Variants in RBFOX1 observed in about 807,000 individuals in gnomAD.
RBFOX1 encodes the protein RNA binding protein fox-1 homolog 1.
RBFOX1 carries 8 observed loss-of-function variants against 57.7 expected under a neutral mutation model. The ratio of observed to expected loss-of-function variants is 0.14; its 90% CI spans 0.08 to 0.25. The LOEUF is 0.25. RBFOX1 is among the 10% of genes least tolerant of loss of function. The pLI, the probability that RBFOX1 is intolerant of heterozygous loss-of-function variation, is 1.00. For missense variants in RBFOX1, 611 were observed against 548.5 expected, an observed-to-expected ratio of 1.11 and a Z score of -1.14; for synonymous variants, 326 against 222.4, an observed-to-expected ratio of 1.47 and a Z score of -4.15.
intron 3 of RBFOX1, among the ~76,000 whole-genome samples, chr16:6,955,295 A>G (rs1458735163): frequency 6.6e-6 from 1 of 152,002 alleles, no homozygotes; most frequent in South Asian, 2.1e-4. Context: ...CGTACGATTA[A>G]GTAAGTTATC....
At chr16:6,098,283 C>T (rs2096268056) in intron 1 of RBFOX1, among the ~76,000 whole-genome samples, 1 of 152,164 alleles carries the variant, frequency 6.6e-6, no homozygotes, top group Admixed American at 6.5e-5. Flanking sequence ...CCAAGGTCAC[C>T]TGGCAAGTCC....
chr16:5,732,228 C>T (rs2052401391), intron 3 of RBFOX1, among the ~76,000 whole-genome samples: 1 of 152,178 alleles, frequency 6.6e-6, no homozygotes, highest in South Asian at 2.1e-4. Context: ...AGGGAATTTT[C>T]TGCTAATTCC....
At chr16:7,099,448 C>G (rs2062276608) in intron 4 of RBFOX1, among the ~76,000 whole-genome samples, 2 of 152,298 alleles carry the variant, frequency 1.3e-5, no homozygotes, top group East Asian at 1.9e-4. Flanking sequence ...TATTTAGTGT[C>G]TAGCTGAGTG....
At position 6,719,306 on chromosome 16, in the gene RBFOX1, C is replaced by G. The variant is rs181614919; in HGVS notation, c.-16+64656C>G. On this transcript the variant is annotated intron_variant, in intron 3 of 15. Coordinates refer to ENST00000550418, the MANE Select transcript of RBFOX1 (RefSeq NM_018723.4). Reference sequence around the variant, plus strand: ...AACAGAAAAAAAGAGGAAAAAATAGCCCACTTAGACAAAGCAATCACATCA... The same window carrying G: ...AACAGAAAAAAAGAGGAAAAAATAGGCCACTTAGACAAAGCAATCACATCA... Among the ~76,000 whole-genome samples, 8 of 152,162 alleles carry G rather than the reference C, an allele frequency of 5.3e-5. No individual in the cohort carries two copies. In the East Asian group the frequency reaches 1.5e-3, roughly 29 times the overall value.
chr16:7,609,860 C>G (rs555367478), intron 10 of RBFOX1, among the ~76,000 whole-genome samples: 9 of 152,166 alleles, frequency 5.9e-5, no homozygotes, highest in African/African-American at 2.2e-4. Flanking sequence ...CTCTGTCTCC[C>G]AGGCTGGAGT....
At chr16:6,044,487 T>TGA (rs1255787566) in intron 1 of RBFOX1, among the ~76,000 whole-genome samples, 7 of 113,088 alleles carry the variant, frequency 6.2e-5, no homozygotes, top group Non-Finnish European at 1.3e-4. Context: ...CTGTTTTAGG[T>TGA]TAAAAAAAAA....
intron 1 of RBFOX1, among the ~76,000 whole-genome samples, chr16:6,089,696 T>C (rs2096142876): frequency 6.6e-6 from 1 of 152,148 alleles, no homozygotes; most frequent in Non-Finnish European, 1.5e-5. Context: ...GGTGGAGGCC[T>C]TGGGGATGTA....
At chr16:6,559,443 T>C (rs1020871486) in intron 2 of RBFOX1, among the ~76,000 whole-genome samples, 2 of 152,088 alleles carry the variant, frequency 1.3e-5, no homozygotes, top group African/African-American at 4.8e-5. Flanking sequence ...CTCAGCACCA[T>C]CTTCTCTTTT....
At chr16:5,981,697 G>T (rs1171399479) in intron 4 of RBFOX1, among the ~76,000 whole-genome samples, 1 of 152,162 alleles carries the variant, frequency 6.6e-6, no homozygotes, top group African/African-American at 2.4e-5. Context: ...TTGAACTCCT[G>T]ACCTCGAGTG....
chr16:6,891,618 C>G (rs527694458), intron 3 of RBFOX1, among the ~76,000 whole-genome samples: 4 of 152,196 alleles, frequency 2.6e-5, no homozygotes, highest in Non-Finnish European at 5.9e-5. Flanking sequence ...ATCACTGAAG[C>G]TGGCAGCATT....
chr16:6,002,970 G>A (rs968640939), intron 4 of RBFOX1, among the ~76,000 whole-genome samples: 9 of 152,080 alleles, frequency 5.9e-5, no homozygotes, highest in African/African-American at 1.4e-4. Flanking sequence ...AATTTTCCTC[G>A]TTGGGGGACA....
intron 1 of RBFOX1, among the ~76,000 whole-genome samples, chr16:5,277,294 G>T (rs1266802595): frequency 1.3e-5 from 2 of 151,974 alleles, no homozygotes; most frequent in Non-Finnish European, 2.9e-5. Flanking sequence ...AGTGGACTTT[G>T]GGGGCTCAGG....
chr16:6,336,352 C>T (rs927956321), intron 2 of RBFOX1, among the ~76,000 whole-genome samples: 37 of 150,760 alleles, frequency 2.5e-4, no homozygotes, highest in Admixed American at 2.4e-3. Flanking sequence ...CCCGCCACCA[C>T]GCCTGGCTAA....
chr16:6,657,627 A>G (rs542210260), intron 3 of RBFOX1, among the ~76,000 whole-genome samples: 1 of 152,278 alleles, frequency 6.6e-6, no homozygotes, highest in East Asian at 1.9e-4. Context: ...GTGTGTGTGC[A>G]TGTCCCTCTC....
intron 2 of RBFOX1, among the ~76,000 whole-genome samples, chr16:6,355,746 C>A (rs921622347): frequency 2.6e-5 from 4 of 152,194 alleles, no homozygotes; most frequent in African/African-American, 9.7e-5. Context: ...TTTACACTCC[C>A]ACCAACAGTG....
chr16:5,439,410 G>A (rs909573334), intron 1 of RBFOX1, among the ~76,000 whole-genome samples: 4 of 152,098 alleles, frequency 2.6e-5, no homozygotes, highest in East Asian at 1.9e-4. Context: ...GGTAGAAAAC[G>A]CATCATGGGG....
intron 3 of RBFOX1, among the ~76,000 whole-genome samples, chr16:5,768,120 C>G (rs1032471551): frequency 3.3e-5 from 5 of 152,098 alleles, no homozygotes; most frequent in African/African-American, 4.8e-5. Flanking sequence ...TTCATTAAGT[C>G]AGATTTCTCT....
intron 3 of RBFOX1, among the ~76,000 whole-genome samples, chr16:6,870,459 C>T (rs779707466): frequency 3.3e-5 from 5 of 152,110 alleles, no homozygotes; most frequent in Admixed American, 6.5e-5. Flanking sequence ...AGTTGACACA[C>T]GTCTGGCTAG....
At chr16:6,812,530 C>A (rs542909730) in intron 3 of RBFOX1, among the ~76,000 whole-genome samples, 44 of 152,088 alleles carry the variant, frequency 2.9e-4, no homozygotes, top group African/African-American at 1.0e-3. Flanking sequence ...CATGACACCA[C>A]GCCCAGCTAA....
Sources: gnomAD v4.1 joint callset for allele counts (sites outside exome capture counted in the v4.1 genomes callset) on GRCh38, gnomAD v4.1.1 for gene constraint, MANE v1.5 for transcripts, NCBI Gene and HGNC (gene_info 2026-07-23, HGNC 2026-07-21) for gene names.